PDE3A: variants seen among roughly 807,000 people sequenced by gnomAD.
The protein encoded by PDE3A is cGMP-inhibited 3',5'-cyclic phosphodiesterase 3A.
PDE3A carries 43 observed loss-of-function variants against 98.3 expected under a neutral mutation model. The ratio of observed to expected loss-of-function variants is 0.44; its 90% CI spans 0.34 to 0.56. The LOEUF (loss-of-function observed/expected upper bound fraction) is 0.56, where lower values mean the gene tolerates loss of function less well. Among genes scored for constraint, PDE3A ranks in the 20% least tolerant of loss-of-function variants. The pLI is 0.01. For synonymous variants in PDE3A, 663 were observed against 567.9 expected (o/e 1.17, Z -2.38); for missense variants, 1,427 against 1,440.7 (o/e 0.99, Z 0.15).
rs1324566501 is a variant in PDE3A, at chr12:20,369,172, T to C, written c.-113T>C. On this transcript the variant is annotated 5_prime_UTR_variant, in exon 1 of 16. Coordinates refer to ENST00000359062, the MANE Select transcript of PDE3A (RefSeq NM_000921.5). ...GAGAAGAAGGATTCCGAGGGTGGAA[T>C]TGGGAAGAGCGTGCGTGCGTGTGTG... 1.2e-5 allele frequency: 8 copies of C among 666,270 alleles called. No individual in the cohort carries two copies. The highest frequency in any genetic ancestry group is 1.9e-5 in the Non-Finnish European group (8 of 415,112). The allele number at this position is 666,270 out of a possible 1,614,324, so 41.3% of individuals were successfully genotyped here. A position where few individuals can be genotyped will look rare whatever the true frequency, so the allele number is the denominator to read the frequency against.
chr12:20,601,772 T>A (rs1436061902), intron 2 of PDE3A, among the ~76,000 whole-genome samples: 1 of 152,050 alleles, frequency 6.6e-6, no homozygotes, highest in African/African-American at 2.4e-5. Context: ...TAGCTTTTTT[T>A]TTTGTTTTCT....
rs1003856373 is a variant in PDE3A at position 20,500,520 on chromosome 12, C to A, written c.961-56140C>A. 8.4e-4 allele frequency among the ~76,000 whole-genome samples: 128 copies of A among 152,156 alleles called. 1 individual carries two copies. Among genetic ancestry groups the A allele is most frequent in the African/African-American group, 2.9e-3 (122 of 41,546 alleles). On this transcript the variant is annotated intron_variant, in intron 1 of 15. Transcript: ENST00000359062. ...GTTCTCTAATCATTTTTTATTTAGA[C>A]TTCAAATATTTTCTTCCATGTGATA...
At chr12:20,640,922 CTTTTAAAAG>C (rs1455907480) in intron 10 of PDE3A, among the ~76,000 whole-genome samples, 2 of 151,956 alleles carry the variant, frequency 1.3e-5, no homozygotes, top group Non-Finnish European at 2.9e-5. Context: ...AGCTTTTAAG[CTTTTAAAAG>C]TTTTAAAAGC....
At chr12:20,387,672 G>A (rs968939968) in intron 1 of PDE3A, among the ~76,000 whole-genome samples, 1 of 151,976 alleles carries the variant, frequency 6.6e-6, no homozygotes, top group African/African-American at 2.4e-5. Flanking sequence ...AGTGATAGGT[G>A]CTATATAAAT....
At chr12:20,461,629 C>T (rs1212840619) in intron 1 of PDE3A, among the ~76,000 whole-genome samples, 1 of 152,122 alleles carries the variant, frequency 6.6e-6, no homozygotes, top group Non-Finnish European at 1.5e-5. Flanking sequence ...CTACTTCTTT[C>T]TCTAGGTAAT....
At position 20,483,977 on chromosome 12, in the gene PDE3A, G is replaced by A. The variant is rs564066035; in HGVS notation, c.961-72683G>A. Among the ~76,000 whole-genome samples the A allele has an allele frequency of 2.0e-5, 3 of 152,294 alleles. No individual in the cohort carries two copies. In the South Asian group the frequency reaches 6.2e-4, roughly 32 times the overall value. On this transcript the variant is annotated intron_variant, in intron 1 of 15. Coordinates refer to ENST00000359062, the MANE Select transcript of PDE3A (RefSeq NM_000921.5). ...CAGGCTGCCTGGAACCTCCTAGCCT[G>A]CTGGTTCCTTTACTCCTCCCATATC...
intron 1 of PDE3A, among the ~76,000 whole-genome samples, chr12:20,414,639 A>G (rs1464356476): frequency 6.6e-6 from 1 of 152,230 alleles, no homozygotes; most frequent in Non-Finnish European, 1.5e-5. Context: ...ATTTGTTAAA[A>G]TATGAAACAC....
chr12:20,655,186 T>C (rs1416050641), intron 15 of PDE3A, among the ~76,000 whole-genome samples: 1 of 152,036 alleles, frequency 6.6e-6, no homozygotes, highest in Non-Finnish European at 1.5e-5. Context: ...GAGGGAGATA[T>C]GAAATATTAT....
intron 5 of PDE3A, among the ~76,000 whole-genome samples, chr12:20,623,420 T>A (rs1166698612): frequency 2.6e-5 from 4 of 152,130 alleles, no homozygotes; most frequent in African/African-American, 9.7e-5. Context: ...CAAATTTCCT[T>A]TTCAGAAAAG....
rs1944403273 is a variant in PDE3A, at chr12:20,632,480, G to T, written c.1761-1213G>T. ...TCCCCTGAGACCCTTTGTAATATCAGTCAGAAGGAAAGAACCCAGCAGCAA... is the reference window on the plus strand; with the variant it reads ...TCCCCTGAGACCCTTTGTAATATCATTCAGAAGGAAAGAACCCAGCAGCAA... On this transcript the variant is annotated intron_variant, in intron 6 of 15. Coordinates refer to ENST00000359062, the MANE Select transcript of PDE3A (RefSeq NM_000921.5). 3.9e-5 allele frequency among the ~76,000 whole-genome samples: 6 copies of T among 152,200 alleles called. No individual in the cohort carries two copies. The South Asian group carries it at 1.0e-3, about 26-fold the overall frequency.
chr12:20,635,577 C>CAAAAAAAA, intron 8 of PDE3A, among the ~76,000 whole-genome samples: 1 of 120,304 alleles, frequency 8.3e-6, no homozygotes, highest in Non-Finnish European at 1.7e-5. Context: ...GACTCTGTCT[C>CAAAAAAAA]AAAAAAAAAA....
At chr12:20,394,793 C>A (rs1186459334) in intron 1 of PDE3A, among the ~76,000 whole-genome samples, 4 of 151,868 alleles carry the variant, frequency 2.6e-5, no homozygotes, top group Non-Finnish European at 4.4e-5. Context: ...TTTGCCCCTG[C>A]CTGAAGATAT....
chr12:20,503,366 C>T (rs1946057092), intron 1 of PDE3A, among the ~76,000 whole-genome samples: 1 of 152,064 alleles, frequency 6.6e-6, no homozygotes, highest in African/African-American at 2.4e-5. Flanking sequence ...AAAGACTACA[C>T]TTTTATCTGT....
chr12:20,643,798 TG>T (rs1944702355), intron 10 of PDE3A, among the ~76,000 whole-genome samples: 1 of 152,180 alleles, frequency 6.6e-6, no homozygotes, highest in Non-Finnish European at 1.5e-5. Context: ...TAGGATTAAT[TG>T]CTTGTTGAAA....
At chr12:20,411,023 T>C (rs1187440619) in intron 1 of PDE3A, among the ~76,000 whole-genome samples, 1 of 152,214 alleles carries the variant, frequency 6.6e-6, no homozygotes, top group Non-Finnish European at 1.5e-5. Context: ...TTTGTTTTCA[T>C]AGCAGCACCA....
intron 2 of PDE3A, among the ~76,000 whole-genome samples, chr12:20,585,397 C>T (rs1943168043): frequency 6.6e-6 from 1 of 152,200 alleles, no homozygotes; most frequent in Non-Finnish European, 1.5e-5. Context: ...TCAAGATTCA[C>T]ACAGTTTCAA....
chr12:20,673,150 A>T (rs1794974451), intron 15 of PDE3A, among the ~76,000 whole-genome samples: 1 of 152,214 alleles, frequency 6.6e-6, no homozygotes, highest in Admixed American at 6.5e-5. Flanking sequence ...CCACAATGAG[A>T]CACCATCTCA....
chr12:20,560,640 TTTAC>T (rs1446085864), intron 2 of PDE3A, among the ~76,000 whole-genome samples: 3 of 152,152 alleles, frequency 2.0e-5, no homozygotes, highest in Non-Finnish European at 2.9e-5. Flanking sequence ...GATTTATTTA[TTTAC>T]TTACTTATTT....
At chr12:20,634,597 A>T (rs1296382261) in intron 7 of PDE3A, among the ~76,000 whole-genome samples, 1 of 152,120 alleles carries the variant, frequency 6.6e-6, no homozygotes, top group Non-Finnish European at 1.5e-5. Context: ...GTATAGGGAG[A>T]GAAATAGAGA....
Sources: gnomAD v4.1 joint callset for allele counts (sites outside exome capture counted in the v4.1 genomes callset) on GRCh38, gnomAD v4.1.1 for gene constraint, MANE v1.5 for transcripts, NCBI Gene and HGNC (gene_info 2026-07-23, HGNC 2026-07-21) for gene names.